The following FHIT variants were observed in gnomAD, a reference collection of about 807,000 sequenced individuals.
The protein encoded by FHIT is bis(5'-adenosyl)-triphosphatase.
Under a neutral mutation model 17.9 loss-of-function variants are expected in FHIT, and 19 were observed. The ratio of observed to expected loss-of-function variants is 1.06; its 90% CI spans 0.74 to 1.56. The LOEUF (loss-of-function observed/expected upper bound fraction) is 1.56. FHIT is among the 40% of genes most tolerant of loss of function. The pLI is 0.00. For missense variants in FHIT, 248 were observed against 189.2 expected (o/e 1.31, Z -1.82); for synonymous variants, 81 against 69.7 (o/e 1.16, Z -0.81).
At chr3:59,975,089 G>A (rs963769784) in intron 7 of FHIT, among the ~76,000 whole-genome samples, 1 of 152,060 alleles carries the variant, frequency 6.6e-6, no homozygotes, top group African/African-American at 2.4e-5. Context: ...TAAGAAGACA[G>A]AGATTTTTAT....
intron 5 of FHIT, among the ~76,000 whole-genome samples, chr3:60,503,751 T>G (rs1351953196): frequency 6.6e-6 from 1 of 152,182 alleles, no homozygotes; most frequent in Admixed American, 6.5e-5. Flanking sequence ...GATATCATAC[T>G]ATATGTAGAG....
At chr3:59,778,262 C>A (rs1452375325) in intron 8 of FHIT, among the ~76,000 whole-genome samples, 2 of 152,112 alleles carry the variant, frequency 1.3e-5, no homozygotes, top group African/African-American at 4.8e-5. Flanking sequence ...GGACTTCAAT[C>A]CTATAGTCAG....
intron 5 of FHIT, among the ~76,000 whole-genome samples, chr3:60,467,464 T>C (rs910894501): frequency 1.3e-5 from 2 of 152,038 alleles, no homozygotes; most frequent in Non-Finnish European, 2.9e-5. Flanking sequence ...ATTACTACTA[T>C]AAACTTTCCT....
intron 8 of FHIT, among the ~76,000 whole-genome samples, chr3:59,837,558 T>C (rs2106733087): frequency 6.6e-6 from 1 of 152,270 alleles, no homozygotes; most frequent in Middle Eastern, 3.4e-3. Context: ...CATTAGATCT[T>C]TTATAAAAAT....
intron 5 of FHIT, among the ~76,000 whole-genome samples, chr3:60,274,295 G>A (rs1338657671): frequency 1.3e-5 from 2 of 152,030 alleles, no homozygotes; most frequent in Non-Finnish European, 2.9e-5. Context: ...GCAGGCACTG[G>A]TTCCACTCTC....
intron 4 of FHIT, among the ~76,000 whole-genome samples, chr3:60,771,043 C>G (rs980656284): frequency 6.6e-6 from 1 of 152,214 alleles, no homozygotes; most frequent in East Asian, 1.9e-4. Context: ...GCAACCTACT[C>G]CTTTACCTTT....
chr3:60,711,089 C>G (rs1220682900), intron 4 of FHIT, among the ~76,000 whole-genome samples: 1 of 152,200 alleles, frequency 6.6e-6, no homozygotes, highest in Non-Finnish European at 1.5e-5. Context: ...TCCAGAGGAA[C>G]TATCAGACAG....
intron 7 of FHIT, among the ~76,000 whole-genome samples, chr3:59,996,424 T>C (rs1301008415): frequency 6.6e-6 from 1 of 152,046 alleles, no homozygotes; most frequent in East Asian, 1.9e-4. Flanking sequence ...AAATTCAGTC[T>C]AGCAGTCCAT....
intron 5 of FHIT, among the ~76,000 whole-genome samples, chr3:60,336,308 G>A (rs1355375883): frequency 6.6e-6 from 1 of 152,156 alleles, no homozygotes; most frequent in African/African-American, 2.4e-5. Context: ...CAAAAACCCT[G>A]ACCAAAAGGA....
intron 3 of FHIT, among the ~76,000 whole-genome samples, chr3:60,982,850 T>G (rs1710554471): frequency 6.6e-6 from 1 of 152,222 alleles, no homozygotes; most frequent in Non-Finnish European, 1.5e-5. Flanking sequence ...AGAGCTTCCA[T>G]CACTATTTAA....
intron 7 of FHIT, among the ~76,000 whole-genome samples, chr3:59,949,363 C>A (rs979950406): frequency 2.0e-5 from 3 of 152,194 alleles, no homozygotes; most frequent in African/African-American, 7.2e-5. Flanking sequence ...GGCTCTATTT[C>A]TGATTTGTCA....
At chr3:60,405,754 G>T (rs1221538105) in intron 5 of FHIT, among the ~76,000 whole-genome samples, 1 of 152,196 alleles carries the variant, frequency 6.6e-6, no homozygotes, top group East Asian at 1.9e-4. Flanking sequence ...GGTGCTACAG[G>T]CATCTACTGA....
chr3:60,866,722 C>G (rs1398242098), intron 3 of FHIT, among the ~76,000 whole-genome samples: 1 of 152,186 alleles, frequency 6.6e-6, no homozygotes, highest in Admixed American at 6.6e-5. Flanking sequence ...TGCCTATGGG[C>G]AAGTCTACAG....
chr3:61,022,918 C>G (rs1458922472), intron 3 of FHIT, among the ~76,000 whole-genome samples: 1 of 152,122 alleles, frequency 6.6e-6, no homozygotes, highest in Admixed American at 6.5e-5. Flanking sequence ...GGAAGCATTC[C>G]CTTTGAAAAC....
chr3:60,165,093 G>C (rs1406999034), intron 5 of FHIT, among the ~76,000 whole-genome samples: 1 of 152,168 alleles, frequency 6.6e-6, no homozygotes, highest in Non-Finnish European at 1.5e-5. Flanking sequence ...AGTCCAGTGA[G>C]TCAGATGGGA....
At position 60,347,926 on chromosome 3, in the gene FHIT, T is replaced by C. The variant is rs559954235; in HGVS notation, c.103+188934A>G. 8.5e-5 allele frequency among the ~76,000 whole-genome samples: 13 copies of C among 152,198 alleles called. No homozygotes were observed. In the South Asian group the frequency reaches 2.7e-3, roughly 32 times the overall value. ...GGCGCCCACCACCATGCCCGGCTAA[T>C]TTTTGCATTTTTACTAAAGACGAGG... On this transcript the variant is annotated intron_variant, in intron 5 of 9. Coordinates refer to ENST00000492590, the MANE Select transcript of FHIT (RefSeq NM_002012.4).
At chr3:60,376,206 C>T (rs1281349164) in intron 5 of FHIT, among the ~76,000 whole-genome samples, 1 of 152,192 alleles carries the variant, frequency 6.6e-6, no homozygotes, top group African/African-American at 2.4e-5. Context: ...CTTGATCCCA[C>T]AAAAGCCCAT....
chr3:59,764,176 C>G, intron 8 of FHIT, among the ~76,000 whole-genome samples: 1 of 152,128 alleles, frequency 6.6e-6, no homozygotes, highest in Non-Finnish European at 1.5e-5. Flanking sequence ...CCCAGAAAAG[C>G]AGGTGAGCAG....
rs115033368 is a variant in FHIT at position 59,824,730 on chromosome 3, A to C, written c.349-72409T>G. Among the ~76,000 whole-genome samples, 207 of 152,330 alleles carry C rather than the reference A, an allele frequency of 1.4e-3. 1 individual carries two copies. The highest frequency in any genetic ancestry group is 4.8e-3 in the African/African-American group (201 of 41,582). On this transcript the variant is annotated intron_variant, in intron 8 of 9. Coordinates refer to ENST00000492590, the MANE Select transcript of FHIT (RefSeq NM_002012.4). ...TTAGGAAGATGTGGTGAGTACATCA[A>C]TATTACAAAGATTCAGTGTGTTAAA... is the stretch of plus-strand genomic sequence containing the variant.
Sources: allele counts gnomAD v4.1 joint callset (sites outside exome capture counted in the v4.1 genomes callset), GRCh38; gene constraint gnomAD v4.1.1; transcripts MANE v1.5; gene names NCBI Gene and HGNC (gene_info 2026-07-23, HGNC 2026-07-21).